CNTNAP2: variants seen among roughly 807,000 people sequenced by gnomAD.
The protein encoded by CNTNAP2 is contactin associated protein 2.
A neutral mutation model predicts 155.2 loss-of-function variants in CNTNAP2; 98 were observed. That is an observed-to-expected ratio of 0.63 (90% CI 0.54 to 0.75). The LOEUF (loss-of-function observed/expected upper bound fraction) is 0.75. Among genes scored for constraint, CNTNAP2 ranks in the 30% least tolerant of loss-of-function variants. CNTNAP2 has a pLI of 0.00. For synonymous variants in CNTNAP2, 651 were observed against 631.2 expected (o/e 1.03, Z -0.47); for missense variants, 1,727 against 1,688.1 (o/e 1.02, Z -0.40).
At chr7:146,266,249 T>G (rs966114373) in intron 1 of CNTNAP2, among the ~76,000 whole-genome samples, 1 of 152,226 alleles carries the variant, frequency 6.6e-6, no homozygotes, top group Non-Finnish European at 1.5e-5. Flanking sequence ...AGCATTATTG[T>G]CTTCACTAGA....
At chr7:148,246,731 T>A (rs1796268759) in intron 20 of CNTNAP2, among the ~76,000 whole-genome samples, 1 of 152,244 alleles carries the variant, frequency 6.6e-6, no homozygotes, top group Non-Finnish European at 1.5e-5. Context: ...GACTTATTGA[T>A]CAATGAATGT....
intron 14 of CNTNAP2, among the ~76,000 whole-genome samples, chr7:147,918,611 T>C (rs1230736803): frequency 1.3e-5 from 2 of 152,214 alleles, no homozygotes; most frequent in African/African-American, 4.8e-5. Context: ...AGCATGCTAG[T>C]TGTCTTAGGC....
At chr7:146,897,648 T>C (rs1373964426) in intron 3 of CNTNAP2, among the ~76,000 whole-genome samples, 1 of 152,094 alleles carries the variant, frequency 6.6e-6, no homozygotes, top group Non-Finnish European at 1.5e-5. Context: ...AGCTAAACTT[T>C]TCCCTTACAA....
At chr7:146,533,128 A>G (rs938654297) in intron 1 of CNTNAP2, among the ~76,000 whole-genome samples, 1 of 149,302 alleles carries the variant, frequency 6.7e-6, no homozygotes, top group Non-Finnish European at 1.5e-5. Context: ...AAAAAAAAAA[A>G]AAAAAAAGCT....
intron 15 of CNTNAP2, among the ~76,000 whole-genome samples, chr7:148,083,779 A>G (rs1803664482): frequency 6.6e-6 from 1 of 152,246 alleles, no homozygotes; most frequent in African/African-American, 2.4e-5. Context: ...GCAAAAGTGC[A>G]GAAAGAAATA....
chr7:146,363,142 A>G (rs1353672639), intron 1 of CNTNAP2, among the ~76,000 whole-genome samples: 1 of 152,158 alleles, frequency 6.6e-6, no homozygotes, highest in Non-Finnish European at 1.5e-5. Flanking sequence ...TAGGCCAGGC[A>G]TTTTTCTAAG....
intron 14 of CNTNAP2, among the ~76,000 whole-genome samples, chr7:147,954,965 A>T (rs543917137): frequency 6.6e-6 from 1 of 152,344 alleles, no homozygotes; most frequent in East Asian, 1.9e-4. Flanking sequence ...CGTTTCTGTA[A>T]AAAACAGCTA....
At chr7:146,370,068 T>C (rs1163724149) in intron 1 of CNTNAP2, among the ~76,000 whole-genome samples, 1 of 151,914 alleles carries the variant, frequency 6.6e-6, no homozygotes, top group Non-Finnish European at 1.5e-5. Flanking sequence ...TTGTTCTTAT[T>C]GTTGTTTTTC....
intron 1 of CNTNAP2, among the ~76,000 whole-genome samples, chr7:146,367,218 T>C (rs571304326): frequency 1.3e-5 from 2 of 152,158 alleles, no homozygotes; most frequent in Admixed American, 6.5e-5. Context: ...TACTACCTGC[T>C]TTATACACAT....
chr7:147,548,805 G>A (rs1159843954), intron 11 of CNTNAP2, among the ~76,000 whole-genome samples: 1 of 152,166 alleles, frequency 6.6e-6, no homozygotes, highest in Non-Finnish European at 1.5e-5. Context: ...AAGGGGTCCA[G>A]TTTCAGTTTT....
chr7:146,375,475 T>C (rs940233434), intron 1 of CNTNAP2, among the ~76,000 whole-genome samples: 2 of 152,208 alleles, frequency 1.3e-5, no homozygotes, highest in African/African-American at 2.4e-5. Flanking sequence ...GCGGTGTGAA[T>C]TACATTCATC....
At chr7:146,289,479 A>T (rs1800394120) in intron 1 of CNTNAP2, among the ~76,000 whole-genome samples, 1 of 152,304 alleles carries the variant, frequency 6.6e-6, no homozygotes, top group South Asian at 2.1e-4. Flanking sequence ...ATGATTAATT[A>T]CTTTCCTGTA....
intron 1 of CNTNAP2, among the ~76,000 whole-genome samples, chr7:146,626,419 T>C (rs1394237434): frequency 6.6e-6 from 1 of 152,084 alleles, no homozygotes; most frequent in East Asian, 1.9e-4. Context: ...CTAAAAAATT[T>C]AGTGAGTGGA....
At chr7:147,023,493 T>A (rs1258476739) in intron 3 of CNTNAP2, among the ~76,000 whole-genome samples, 1 of 152,160 alleles carries the variant, frequency 6.6e-6, no homozygotes, top group Non-Finnish European at 1.5e-5. Context: ...ACCACCAGTA[T>A]ATTCACTTTG....
chr7:147,895,210 G>A (rs534507596), intron 13 of CNTNAP2, among the ~76,000 whole-genome samples: 1 of 151,952 alleles, frequency 6.6e-6, no homozygotes, highest in East Asian at 1.9e-4. Context: ...CTGACCTCAG[G>A]TGATCCTCCC....
intron 8 of CNTNAP2, among the ~76,000 whole-genome samples, chr7:147,176,967 C>A (rs1802360471): frequency 2.3e-5 from 3 of 129,258 alleles, no homozygotes; most frequent in South Asian, 2.3e-4. Context: ...AATTATAATT[C>A]TATATATAAA....
chr7:147,728,993 T>C, intron 13 of CNTNAP2, among the ~76,000 whole-genome samples: 1 of 147,576 alleles, frequency 6.8e-6, no homozygotes, highest in East Asian at 2.0e-4. Context: ...ATGTATAATA[T>C]ATATTATGTA....
chr7:147,347,728 T>C (rs1369919254), intron 9 of CNTNAP2, among the ~76,000 whole-genome samples: 1 of 151,832 alleles, frequency 6.6e-6, no homozygotes, highest in African/African-American at 2.4e-5. Context: ...GCCAAAGCAA[T>C]CCTGAGCAAA....
At chr7:148,311,093 T>TG (rs1473070131) in intron 21 of CNTNAP2, among the ~76,000 whole-genome samples, 1 of 151,952 alleles carries the variant, frequency 6.6e-6, no homozygotes, top group African/African-American at 2.4e-5. Context: ...GGTCTAAATA[T>TG]GGGGGGAGTA....
Sources: gnomAD v4.1 joint callset for allele counts (sites outside exome capture counted in the v4.1 genomes callset) on GRCh38, gnomAD v4.1.1 for gene constraint, MANE v1.5 for transcripts, NCBI Gene and HGNC (gene_info 2026-07-23, HGNC 2026-07-21) for gene names.